The following KBTBD3 variants were observed in gnomAD, a reference collection of about 807,000 sequenced individuals.
KBTBD3 encodes the protein kelch repeat and BTB domain containing 3, also known as kelch repeat and BTB domain-containing protein 3.
A neutral mutation model predicts 49.6 loss-of-function variants in KBTBD3; 38 were observed. The ratio of observed to expected loss-of-function variants is 0.77; its 90% CI spans 0.59 to 1.00. KBTBD3 has a LOEUF of 1.00. Ranked by LOEUF, KBTBD3 falls within the 50% of genes least tolerant of loss-of-function variation. The pLI, the probability that KBTBD3 is intolerant of heterozygous loss-of-function variation, is 0.00. For missense variants in KBTBD3, 661 were observed against 712.0 expected (o/e 0.93, Z 0.81); for synonymous variants, 214 against 250.4 (o/e 0.85, Z 1.37).
intron 2 of KBTBD3, among the ~76,000 whole-genome samples, chr11:106,062,239 G>C (rs1860716512): frequency 6.6e-6 from 1 of 152,120 alleles, no homozygotes; most frequent in Non-Finnish European, 1.5e-5. Context: ...AAGGCTTGGA[G>C]GTTATTTCTG....
chr11:106,059,099 T>C lies in KBTBD3; in HGVS notation c.-2A>G, dbSNP rs1591534990. The C allele has an allele frequency of 6.5e-7, 1 of 1,530,026 alleles. No individual in the cohort carries two copies. The highest frequency in any genetic ancestry group is 8.8e-7 in the Non-Finnish European group (1 of 1,142,404). The allele number at this position is 1,530,026 out of a possible 1,614,324, so 94.8% of individuals were successfully genotyped here. On this transcript the variant is annotated 5_prime_UTR_variant, in exon 3 of 4. Transcript: ENST00000531837. ...TGAATTATCCATAGCCAATTCCATA[T>C]GTCCTTAGAACTAGAATAAAAACAA... is the stretch of plus-strand genomic sequence containing the variant.
At position 106,052,800 on chromosome 11, in the gene KBTBD3, G is replaced by C; in HGVS notation, c.*50C>G. 1 of 1,425,248 alleles carries C rather than the reference G, an allele frequency of 7.0e-7. No homozygotes were observed. The highest frequency in any genetic ancestry group is 1.4e-5 in the African/African-American group (1 of 69,822). The allele number at this position is 1,425,248 out of a possible 1,614,324, so 88.3% of individuals were successfully genotyped here. ...TATAGATCTTTTTACCTATCATTTTGGTTAACAAATTTACTTTAGGTTACT... is the reference window on the plus strand; with the variant it reads ...TATAGATCTTTTTACCTATCATTTTCGTTAACAAATTTACTTTAGGTTACT... On this transcript the variant is annotated 3_prime_UTR_variant, in exon 4 of 4. Transcript: ENST00000531837.
chr11:106,054,382 C>G lies in KBTBD3; in HGVS notation c.307G>C (p.Val103Leu). Residue 103 changes from valine to leucine, a missense_variant, in exon 4 of 4, where the codon GTA becomes CTA. Val to Leu is a conservative substitution (Grantham distance 32). Transcript: ENST00000531837. ...VTITNLSSKAVKAFLDYAYTG... is the reference protein window; with the variant it reads ...VTITNLSSKALKAFLDYAYTG... The stretch of plus-strand genomic sequence containing the variant: ...TAGGCATAATCGAGAAATGCTTTTA[C>G]TGCCTTGGAGGACAAATTAGTAATG... 6.2e-7 allele frequency: 1 copy of G among 1,610,654 alleles called. No homozygotes were observed. The highest frequency in any genetic ancestry group is 1.1e-5 in the South Asian group (1 of 90,392).
chr11:106,063,615 T>C (rs952483073), intron 2 of KBTBD3, among the ~76,000 whole-genome samples: 1 of 152,186 alleles, frequency 6.6e-6, no homozygotes, highest in East Asian at 1.9e-4. Context: ...ATCTATCTAG[T>C]TGTGTTGTTG....
At chr11:106,068,160 T>G (rs1022419333) in intron 2 of KBTBD3, among the ~76,000 whole-genome samples, 5 of 151,576 alleles carry the variant, frequency 3.3e-5, no homozygotes, top group African/African-American at 1.2e-4. Context: ...AGCTGGAGAC[T>G]TCAACACTCT....
intron 3 of KBTBD3, among the ~76,000 whole-genome samples, chr11:106,058,485 C>T (rs11605123): frequency 1.6e-4 from 25 of 151,716 alleles, no homozygotes; most frequent in Middle Eastern, 3.4e-3. Context: ...AGTGCGGTGG[C>T]GCGATCTCAG....
rs75679517 is a variant in KBTBD3, at chr11:106,058,753, T to A, written c.233+112A>T. The A allele has an allele frequency of 1.6e-5, 11 of 699,172 alleles. No homozygotes were observed. The African/African-American group carries it at 1.9e-4, about 12-fold the overall frequency. 43.3% of individuals were successfully genotyped at this position (699,172 alleles called of 1,614,324 possible). The stretch of plus-strand genomic sequence containing the variant: ...TAGGTTTTGTTTTTGTTTTTTTTTT[T>A]AGAATTAAAAATTACTGTTGCATGT... On this transcript the variant is annotated intron_variant, in intron 3 of 3. Coordinates refer to ENST00000531837, the MANE Select transcript of KBTBD3 (RefSeq NM_198439.3).
Position 106,054,363 on chromosome 11 carries a change from T to A in KBTBD3, c.326A>T (p.Tyr109Phe), listed in dbSNP as rs149307609. 38 of 1,611,914 alleles carry A rather than the reference T, an allele frequency of 2.4e-5. No homozygotes were observed. The Middle Eastern group carries it at 8.3e-4, about 35-fold the overall frequency. The stretch of plus-strand genomic sequence containing the variant: ...TATTTTTGTTTTTCCAGTATAGGCA[T>A]AATCGAGAAATGCTTTTACTGCCTT... Reference protein sequence around the residue: ...SSKAVKAFLDYAYTGKTKITD... With the variant: ...SSKAVKAFLDFAYTGKTKITD... The change falls in exon 4 of 4, where the codon TAT becomes TTT. Residue 109 changes from tyrosine (Y) to phenylalanine (F), a missense_variant. Tyr to Phe is a conservative substitution (Grantham distance 22, BLOSUM62 3). Coordinates refer to ENST00000531837, the MANE Select transcript of KBTBD3 (RefSeq NM_198439.3).
At chr11:106,069,524 T>C (rs1860878108) in intron 2 of KBTBD3, among the ~76,000 whole-genome samples, 1 of 146,192 alleles carries the variant, frequency 6.8e-6, no homozygotes, top group Non-Finnish European at 1.5e-5. Flanking sequence ...AAAAAAGAAG[T>C]GAAAGAAATA....
intron 2 of KBTBD3, chr11:106,076,195 C>T (rs1861025639): frequency 6.6e-6 from 1 of 152,154 alleles, no homozygotes. Context: ...TCTTATTGTA[C>T]TTTTTATGCG....
chr11:106,060,537 G>C (rs1473973121), intron 2 of KBTBD3, among the ~76,000 whole-genome samples: 1 of 152,086 alleles, frequency 6.6e-6, no homozygotes, highest in African/African-American at 2.4e-5. Context: ...AACAAGCAAT[G>C]GGGAAAGGAT....
chr11:106,052,545 C>G lies in KBTBD3; in HGVS notation c.*305G>C, dbSNP rs1860439594. 4.0e-6 allele frequency: 1 copy of G among 251,938 alleles called. No individual in the cohort carries two copies. The highest frequency in any genetic ancestry group is 2.3e-5 in the African/African-American group (1 of 43,852). The allele number at this position is 251,938 out of a possible 1,614,324, so 15.6% of individuals were successfully genotyped here. On this transcript the variant is annotated 3_prime_UTR_variant, in exon 4 of 4. Coordinates refer to ENST00000531837, the MANE Select transcript of KBTBD3 (RefSeq NM_198439.3). ...TCTCTAGAGGTTTCTCCCATCTAAA[C>G]AGTACAAATCTTTTATGGACAGAGT...
At chr11:106,062,266 G>A (rs1167140446) in intron 2 of KBTBD3, among the ~76,000 whole-genome samples, 1 of 152,126 alleles carries the variant, frequency 6.6e-6, no homozygotes, top group African/African-American at 2.4e-5. Flanking sequence ...AGGAACTAGA[G>A]AAAACAAAAC....
At chr11:106,071,195 G>A (rs932919259) in intron 2 of KBTBD3, among the ~76,000 whole-genome samples, 8 of 151,958 alleles carry the variant, frequency 5.3e-5, no homozygotes, top group African/African-American at 1.9e-4. Flanking sequence ...TTATTTAATT[G>A]GTATAAAATC....
At chr11:106,066,062 G>GT (rs1356369307) in intron 2 of KBTBD3, among the ~76,000 whole-genome samples, 1 of 151,928 alleles carries the variant, frequency 6.6e-6, no homozygotes, top group Non-Finnish European at 1.5e-5. Flanking sequence ...ACTTGTGCAT[G>GT]TTAATAAACT....
intron 2 of KBTBD3, among the ~76,000 whole-genome samples, chr11:106,073,798 C>T (rs1484910222): frequency 2.6e-5 from 4 of 152,182 alleles, no homozygotes; most frequent in African/African-American, 4.8e-5. Context: ...AAGGCAGTTG[C>T]TACCTCAGTC....
chr11:106,071,823 C>G (rs1037244833), intron 2 of KBTBD3, among the ~76,000 whole-genome samples: 2 of 152,108 alleles, frequency 1.3e-5, no homozygotes, highest in East Asian at 1.9e-4. Context: ...ACCTATGACA[C>G]TGGACTGTTG....
At chr11:106,071,924 TAAAC>T (rs1036678033) in intron 2 of KBTBD3, among the ~76,000 whole-genome samples, 2 of 152,180 alleles carry the variant, frequency 1.3e-5, no homozygotes, top group African/African-American at 4.8e-5. Flanking sequence ...TATTAACAGT[TAAAC>T]AATTCTCAAT....
At chr11:106,068,217 G>C (rs866534881) in intron 2 of KBTBD3, among the ~76,000 whole-genome samples, 8 of 152,006 alleles carry the variant, frequency 5.3e-5, no homozygotes, top group African/African-American at 1.9e-4. Context: ...TAAGCATATA[G>C]AGCTCAACAA....
Sources: gnomAD v4.1 joint callset for allele counts (sites outside exome capture counted in the v4.1 genomes callset) on GRCh38, gnomAD v4.1.1 for gene constraint, MANE v1.5 for transcripts, NCBI Gene and HGNC (gene_info 2026-07-23, HGNC 2026-07-21) for gene names.